The following CCDC191 variants were observed in gnomAD, a reference collection of about 807,000 sequenced individuals.
The protein encoded by CCDC191 is coiled-coil domain-containing protein 191.
In CCDC191, 99 loss-of-function variants were observed where a neutral mutation model predicts 114.0. That is an observed-to-expected ratio of 0.87 (90% CI 0.74 to 1.03). The LOEUF is 1.03. CCDC191 is among the 50% of genes least tolerant of loss of function. The pLI, the probability that CCDC191 is intolerant of heterozygous loss-of-function variation, is 0.00. For synonymous variants in CCDC191, 351 were observed against 376.0 expected (o/e 0.93, Z 0.77); for missense variants, 973 against 1,087.0 (o/e 0.90, Z 1.47).
intron 10 of CCDC191, 124 bp from the exon 11 acceptor site, chr3:114,004,870 T>A: frequency 1.0e-6 from 1 of 987,898 alleles, no homozygotes; most frequent in Non-Finnish European, 1.4e-6. Context: ...GATAACTACA[T>A]ATTATATCCA....
chr3:114,010,269 A>C (rs887258148), intron 9 of CCDC191, among the ~76,000 whole-genome samples: 1 of 152,198 alleles, frequency 6.6e-6, no homozygotes. Flanking sequence ...CATATGCTTA[A>C]AGACTAGATG....
intron 7 of CCDC191, among the ~76,000 whole-genome samples, chr3:114,030,182 CTAAG>C (rs1315018477): frequency 6.6e-6 from 1 of 152,132 alleles, no homozygotes; most frequent in East Asian, 1.9e-4. Context: ...TATTTTAAAA[CTAAG>C]TAATCTGTTT....
chr3:113,990,716 C>T (rs71319392), intron 13 of CCDC191, among the ~76,000 whole-genome samples: 1 of 151,494 alleles, frequency 6.6e-6, no homozygotes, highest in East Asian at 1.9e-4. Flanking sequence ...TTTACATACT[C>T]TCTTTCAAAA....
At chr3:114,045,846 T>C (rs1003612041) in intron 3 of CCDC191, among the ~76,000 whole-genome samples, 5 of 152,188 alleles carry the variant, frequency 3.3e-5, no homozygotes, top group Non-Finnish European at 7.3e-5. Flanking sequence ...GAAGGACTTA[T>C]TACTACTGGA....
At chr3:114,027,051 G>A (rs1327874691) in intron 7 of CCDC191, among the ~76,000 whole-genome samples, 1 of 152,170 alleles carries the variant, frequency 6.6e-6, no homozygotes, top group African/African-American at 2.4e-5. Context: ...TGTTGTTTCT[G>A]CTAATTAGCA....
At chr3:113,993,442 AC>A (rs534067784) in intron 13 of CCDC191, among the ~76,000 whole-genome samples, 159 of 152,384 alleles carry the variant, frequency 1.0e-3, no homozygotes, top group African/African-American at 3.4e-3. Context: ...AAATAGATCC[AC>A]ACAATATGGT....
At chr3:114,025,789 C>A (rs542567674) in intron 7 of CCDC191, among the ~76,000 whole-genome samples, 1 of 152,300 alleles carries the variant, frequency 6.6e-6, no homozygotes, top group African/African-American at 2.4e-5. Context: ...CCCATCTCTA[C>A]CAAAATCCCT....
At chr3:114,024,349 G>T (rs1302201818) in intron 7 of CCDC191, among the ~76,000 whole-genome samples, 2 of 150,772 alleles carry the variant, frequency 1.3e-5, no homozygotes, top group Non-Finnish European at 3.0e-5. Flanking sequence ...CCCATTACTG[G>T]GTATATACCC....
At chr3:114,045,714 G>A (rs1265110146) in intron 3 of CCDC191, among the ~76,000 whole-genome samples, 4 of 152,132 alleles carry the variant, frequency 2.6e-5, no homozygotes, top group African/African-American at 9.7e-5. Context: ...CCAGCCACAT[G>A]GGTCTTCCTG....
chr3:114,022,895 A>G (rs567789174), intron 7 of CCDC191, among the ~76,000 whole-genome samples: 5 of 152,306 alleles, frequency 3.3e-5, no homozygotes, highest in Middle Eastern at 6.8e-3. Flanking sequence ...AGGGTATTCA[A>G]TTAGGAAAAG....
At chr3:114,003,446 G>A (rs1294237827) in intron 11 of CCDC191, 3 of 985,370 alleles carry the variant, frequency 3.0e-6, no homozygotes, top group Non-Finnish European at 3.6e-6. Flanking sequence ...CACAGATGGC[G>A]AGAGTGAAAT....
At chr3:114,047,303 G>C (rs1483131977) in intron 2 of CCDC191, 2 of 173,956 alleles carry the variant, frequency 1.1e-5, no homozygotes, top group Non-Finnish European at 2.3e-5. Flanking sequence ...TTGCAGGATT[G>C]GGGGAAGAAA....
chr3:114,000,626 C>T (rs2075836782), intron 13 of CCDC191, among the ~76,000 whole-genome samples: 1 of 150,924 alleles, frequency 6.6e-6, no homozygotes, highest in Admixed American at 6.7e-5. Context: ...TGAAACATAC[C>T]TTATATGACT....
chr3:114,034,787 T>G (rs548965398), intron 6 of CCDC191, 138 bp downstream of exon 6: 2 of 728,706 alleles, frequency 2.7e-6, no homozygotes, highest in Non-Finnish European at 4.6e-6. Flanking sequence ...TTAGTTAATT[T>G]GTTAAGATGG....
rs747849038 is a variant in CCDC191, at chr3:114,031,607, G to C, written c.972+19C>G. On this transcript the variant is annotated intron_variant, in intron 7 of 16. Coordinates refer to ENST00000295878, the MANE Select transcript of CCDC191 (RefSeq NM_020817.2). ...TTTATACTACAGAATGCTGAGTAAA[G>C]AGACATTGCAATTCCCACCTGTTGA... The C allele has an allele frequency of 1.9e-6, 3 of 1,587,674 alleles. No homozygotes were observed. Among genetic ancestry groups the C allele is most frequent in the Non-Finnish European group, 2.6e-6 (3 of 1,156,798 alleles).
At chr3:113,978,406 A>T in intron 15 of CCDC191, 75 bp from the exon 16 acceptor site, 1 of 1,434,148 alleles carries the variant, frequency 7.0e-7, no homozygotes, top group Non-Finnish European at 9.6e-7. Context: ...TAAACAGCAC[A>T]AAAGACAGAA....
At chr3:114,005,471 A>C in intron 10 of CCDC191, 37 bp downstream of exon 10, 1 of 1,550,478 alleles carries the variant, frequency 6.4e-7, no homozygotes, top group African/African-American at 1.4e-5. Flanking sequence ...AAAACCCCTT[A>C]AAATGAGTCC....
In CCDC191 at chr3:114,050,574, G is replaced by A. The variant is rs541153519; in HGVS notation, c.129+3023C>T. 5.9e-5 allele frequency among the ~76,000 whole-genome samples: 9 copies of A among 152,320 alleles called. No individual in the cohort carries two copies. In the East Asian group the frequency reaches 1.7e-3, roughly 29 times the overall value. ...GAGCTACAAGGGAAGGATCTGGATTGGCCTCTCAGAGAGGAGGAGTATTCC... is the reference window on the plus strand; with the variant it reads ...GAGCTACAAGGGAAGGATCTGGATTAGCCTCTCAGAGAGGAGGAGTATTCC... On this transcript the variant is annotated intron_variant, in intron 2 of 16. Transcript: ENST00000295878.
chr3:113,976,663 A>G (rs913142373), intron 16 of CCDC191, among the ~76,000 whole-genome samples: 3 of 151,858 alleles, frequency 2.0e-5, no homozygotes, highest in Non-Finnish European at 2.9e-5. Flanking sequence ...AAGGTTAGTT[A>G]TTATTTTGGG....
Sources: gnomAD v4.1 joint callset for allele counts (sites outside exome capture counted in the v4.1 genomes callset) on GRCh38, gnomAD v4.1.1 for gene constraint, MANE v1.5 for transcripts, NCBI Gene and HGNC (gene_info 2026-07-23, HGNC 2026-07-21) for gene names.